The following URGCP variants were observed in gnomAD, a reference collection of about 807,000 sequenced individuals.
URGCP encodes the protein upregulator of cell proliferation, also known as up-regulator of cell proliferation.
A neutral mutation model predicts 24.6 loss-of-function variants in URGCP; 13 were observed. The observed-to-expected ratio is 0.53, with a 90% CI of 0.34 to 0.84. The LOEUF (loss-of-function observed/expected upper bound fraction) is 0.84. Ranked by LOEUF, URGCP falls within the 40% of genes least tolerant of loss-of-function variation. URGCP has a pLI of 0.01. For missense variants in URGCP, 899 were observed against 1,194.3 expected, an observed-to-expected ratio of 0.75 and a Z score of 3.64; for synonymous variants, 444 against 487.2, an observed-to-expected ratio of 0.91 and a Z score of 1.17.
chr7:43,885,519 T>C (rs1357804681), intron 3 of URGCP, among the ~76,000 whole-genome samples: 1 of 151,780 alleles, frequency 6.6e-6, no homozygotes, highest in Non-Finnish European at 1.5e-5. Context: ...AGAACAACTA[T>C]AAAGAATAAC....
At chr7:43,885,226 G>A (rs1191512999) in intron 3 of URGCP, among the ~76,000 whole-genome samples, 11 of 151,532 alleles carry the variant, frequency 7.3e-5, no homozygotes, top group Admixed American at 5.3e-4. Flanking sequence ...TCAACCTCCC[G>A]AGTAGCTAAG....
At chr7:43,926,409 A>C in exon 1 of URGCP, 1 of 831,266 alleles carries the variant, frequency 1.2e-6, no homozygotes, top group Non-Finnish European at 1.6e-6. Flanking sequence ...ACGGCCCCAC[A>C]GTGCCCCGCG....
chr7:43,894,592 T>G (rs2095875673), intron 1 of URGCP, among the ~76,000 whole-genome samples: 2 of 152,108 alleles, frequency 1.3e-5, no homozygotes, highest in South Asian at 4.1e-4. Flanking sequence ...ACTCCTGGAC[T>G]CAAGCAATCT....
At position 43,883,337 on chromosome 7, in the gene URGCP, CATAT is replaced by C. The variant is rs1215710880; in HGVS notation, c.113-1384_113-1381del. On this transcript the variant is annotated intron_variant, in intron 3 of 5. Transcript: ENST00000453200. Reference sequence around the variant, plus strand: ...ATATATATAAATATATATATATATACATATATATATATATATATATATATATTTT... The same window carrying C: ...ATATATATAAATATATATATATATACATATATATATATATATATATATTTT... Among the ~76,000 whole-genome samples the C allele has an allele frequency of 1.1e-3, 111 of 105,370 alleles. 1 individual carries two copies. Among genetic ancestry groups the C allele is most frequent in the Middle Eastern group, 6.1e-3 (1 of 164 alleles). The allele number at this position is 105,370 out of a possible 152,430, so 69.1% of individuals were successfully genotyped here. A position where few individuals can be genotyped will look rare whatever the true frequency, so the allele number is the denominator to read the frequency against.
At chr7:43,893,326 T>C (rs1456830420) in intron 1 of URGCP, among the ~76,000 whole-genome samples, 1 of 151,818 alleles carries the variant, frequency 6.6e-6, no homozygotes, top group Non-Finnish European at 1.5e-5. Flanking sequence ...AATGATTCTG[T>C]CTCAAAAAAA....
chr7:43,913,632 GA>G (rs2095912545), intron 1 of URGCP, among the ~76,000 whole-genome samples: 1 of 152,108 alleles, frequency 6.6e-6, no homozygotes, highest in Admixed American at 6.6e-5. Flanking sequence ...TAAATATGAT[GA>G]ATCACTTCTC....
intron 1 of URGCP, among the ~76,000 whole-genome samples, chr7:43,925,276 T>G (rs551842592): frequency 1.3e-5 from 2 of 152,326 alleles, no homozygotes; most frequent in African/African-American, 4.8e-5. Flanking sequence ...TTTTATATGC[T>G]GACTGAGTAC....
At position 43,878,667 on chromosome 7, in the gene URGCP, C is replaced by A; in HGVS notation, c.796G>T (p.Val266Leu). The change falls in exon 6 of 6, where the codon GTG becomes TTG. Residue 266 changes from valine (V) to leucine (L), a missense_variant. Transcript: ENST00000453200. This position sits in a 1 kb window ranked among gnomAD's most constrained non-coding sequence, Gnocchi z 5.6. ...VLSRAPAFAF[V>L]RMDVSSNSKS... The stretch of plus-strand genomic sequence containing the variant: ...GAGTTGCTACTGACGTCCATGCGCA[C>A]GAAGGCGAAGGCGGGCGCCCTGGAC... 1 of 1,613,470 alleles carries A rather than the reference C, an allele frequency of 6.2e-7. No individual in the cohort carries two copies. The highest frequency in any genetic ancestry group is 8.5e-7 in the Non-Finnish European group (1 of 1,180,046).
intron 1 of URGCP, chr7:43,905,590 C>T (rs947757100): frequency 6.6e-6 from 1 of 152,126 alleles, no homozygotes; most frequent in African/African-American, 2.4e-5. Context: ...TTAGCACCGT[C>T]CCCTCCCCAC....
At chr7:43,909,998 G>A (rs935810664), upstream of URGCP, among the ~76,000 whole-genome samples, 1 of 152,166 alleles carries the variant, frequency 6.6e-6, no homozygotes, top group African/African-American at 2.4e-5. Context: ...AGCCAAGATC[G>A]TGCCATTGCA....
upstream of URGCP, among the ~76,000 whole-genome samples, chr7:43,907,480 G>A (rs1274555447): frequency 9.3e-6 from 1 of 107,864 alleles, no homozygotes; most frequent in Non-Finnish European, 1.8e-5. Flanking sequence ...CGCCCCGCCC[G>A]TTTCATTTTT....
chr7:43,908,371 C>G (rs1389654963), upstream of URGCP, among the ~76,000 whole-genome samples: 1 of 152,184 alleles, frequency 6.6e-6, no homozygotes, highest in Non-Finnish European at 1.5e-5. Context: ...AGCCACCATG[C>G]CTGGCCTAAA....
chr7:43,879,572 G>A (rs2095850855), intron 5 of URGCP: 1 of 281,268 alleles, frequency 3.6e-6, no homozygotes, highest in Non-Finnish European at 6.7e-6. Context: ...CATATTTCTG[G>A]TCTTTCTAGA....
Position 43,903,666 on chromosome 7 carries a change from T to C in URGCP, c.14+2896A>G, listed in dbSNP as rs1381175678. Among the ~76,000 whole-genome samples the C allele has an allele frequency of 1.1e-4, 16 of 152,208 alleles. No individual in the cohort carries two copies. The East Asian group carries it at 3.1e-3, about 29-fold the overall frequency. On this transcript the variant is annotated intron_variant, in intron 1 of 5. Transcript: ENST00000453200. ...ACATTGTTAAGGATAAGAGCCCCTT[T>C]GAAAATCTGTTGAAAGCTACAGACC...
intron 1 of URGCP, among the ~76,000 whole-genome samples, chr7:43,913,759 C>T (rs2095912701): frequency 6.6e-6 from 1 of 152,100 alleles, no homozygotes; most frequent in Non-Finnish European, 1.5e-5. Flanking sequence ...AGTGCAGTGG[C>T]ATGATCTTGG....
At chr7:43,894,744 T>C (rs538451777) in intron 1 of URGCP, among the ~76,000 whole-genome samples, 8 of 152,270 alleles carry the variant, frequency 5.3e-5, no homozygotes, top group Non-Finnish European at 1.2e-4. Context: ...ATGAGAACTC[T>C]TGAGGCCAGG....
intron 1 of URGCP, chr7:43,918,676 A>T: frequency 1.5e-6 from 1 of 645,984 alleles, no homozygotes; most frequent in Non-Finnish European, 2.8e-6. Context: ...GAGCGGCTGC[A>T]ACTCTGGTGC....
Position 43,876,563 on chromosome 7 carries a change from C to G in URGCP, c.*104G>C. Reference sequence around the variant, plus strand: ...TCCTCGTCTTCTCATGTCGATTGGGCACCAGCCATTCTCAGGCACCAGAGC... The same window carrying G: ...TCCTCGTCTTCTCATGTCGATTGGGGACCAGCCATTCTCAGGCACCAGAGC... On this transcript the variant is annotated 3_prime_UTR_variant, in exon 6 of 6. Transcript: ENST00000453200. 7.8e-7 allele frequency: 1 copy of G among 1,282,596 alleles called. No individual in the cohort carries two copies. Among genetic ancestry groups the G allele is most frequent in the South Asian group, 1.4e-5 (1 of 71,110 alleles). 79.5% of individuals were successfully genotyped at this position (1,282,596 alleles called of 1,614,324 possible). A position where few individuals can be genotyped will look rare whatever the true frequency, so the allele number is the denominator to read the frequency against.
intron 1 of URGCP, among the ~76,000 whole-genome samples, chr7:43,902,211 G>A (rs548773293): frequency 1.4e-3 from 208 of 152,142 alleles, no homozygotes; most frequent in African/African-American, 4.8e-3. Flanking sequence ...GCCAAGGTGC[G>A]TGTGCCCTCC....
Sources: allele counts gnomAD v4.1 joint callset (sites outside exome capture counted in the v4.1 genomes callset), GRCh38; gene constraint gnomAD v4.1.1; non-coding constraint Gnocchi (gnomAD v3.1); transcripts MANE v1.5; gene names NCBI Gene and HGNC (gene_info 2026-07-23, HGNC 2026-07-21).